Variants in RANBP2 observed in about 807,000 individuals in gnomAD.
RANBP2 encodes E3 SUMO-protein ligase RanBP2.
In RANBP2, 57 loss-of-function variants were observed where a neutral mutation model predicts 303.6. That is an observed-to-expected ratio of 0.19 (90% CI 0.15 to 0.23). RANBP2 has a LOEUF of 0.23. Among genes scored for constraint, RANBP2 ranks in the 10% least tolerant of loss-of-function variants. The pLI is 1.00. For synonymous variants in RANBP2, 1,167 were observed against 1,301.5 expected, an observed-to-expected ratio of 0.90 and a Z score of 2.23; for missense variants, 3,138 against 3,780.8, an observed-to-expected ratio of 0.83 and a Z score of 4.46.
chr2:109,409,672 G>T, the RANBP2 span, among the ~76,000 whole-genome samples: 6 of 152,082 alleles, frequency 3.9e-5, no homozygotes, highest in Non-Finnish European at 8.8e-5. Flanking sequence ...CTCCCTCACT[G>T]GGGCTCCCCG....
chr2:109,713,058 C>T, the RANBP2 span, among the ~76,000 whole-genome samples: 1 of 152,228 alleles, frequency 6.6e-6, no homozygotes, highest in Non-Finnish European at 1.5e-5. Flanking sequence ...CCAGCCCAGC[C>T]CTGCTTTAAA....
At chr2:109,461,688 C>T in the RANBP2 span, among the ~76,000 whole-genome samples, 8 of 151,646 alleles carry the variant, frequency 5.3e-5, no homozygotes, top group African/African-American at 1.9e-4. Context: ...CGGTGATCCA[C>T]CTGCCAGAGG....
chr2:109,106,391 A>G, the RANBP2 span, among the ~76,000 whole-genome samples: 1 of 152,190 alleles, frequency 6.6e-6, no homozygotes, highest in Non-Finnish European at 1.5e-5. Flanking sequence ...CAGATTTTGT[A>G]CAAGATAAAA....
the RANBP2 span, among the ~76,000 whole-genome samples, chr2:109,396,172 G>T: frequency 6.6e-6 from 1 of 152,222 alleles, no homozygotes; most frequent in Admixed American, 6.5e-5. Context: ...CAGAAAGCTG[G>T]CTCCCAGGTA....
intron 1 of RANBP2, among the ~76,000 whole-genome samples, chr2:108,723,022 T>C (rs1224015650): frequency 6.6e-6 from 1 of 152,228 alleles, no homozygotes; most frequent in Non-Finnish European, 1.5e-5. Flanking sequence ...CTTCTCAAAG[T>C]CTACTTGACA....
At chr2:109,647,373 A>G in the RANBP2 span, among the ~76,000 whole-genome samples, 4 of 151,956 alleles carry the variant, frequency 2.6e-5, no homozygotes, top group Admixed American at 6.6e-5. Flanking sequence ...CGTGTTGGCC[A>G]AGATGGTCTC....
the RANBP2 span, among the ~76,000 whole-genome samples, chr2:108,944,813 A>T: frequency 6.6e-6 from 1 of 152,122 alleles, no homozygotes; most frequent in African/African-American, 2.4e-5. Context: ...TGAGCCAGAG[A>T]GCTGACCGCA....
chr2:109,201,140 T>G, the RANBP2 span, among the ~76,000 whole-genome samples: 1 of 152,256 alleles, frequency 6.6e-6, no homozygotes, highest in Non-Finnish European at 1.5e-5. Context: ...GGTACGGCTC[T>G]GGCTTCACAC....
At chr2:109,351,395 T>G in the RANBP2 span, among the ~76,000 whole-genome samples, 1 of 152,226 alleles carries the variant, frequency 6.6e-6, no homozygotes, top group East Asian at 1.9e-4. Context: ...AACCACATGA[T>G]ATAAATAAAT....
the RANBP2 span, among the ~76,000 whole-genome samples, chr2:109,431,922 G>A: frequency 6.6e-6 from 1 of 152,080 alleles, no homozygotes; most frequent in Non-Finnish European, 1.5e-5. Flanking sequence ...GCAAGGAAGT[G>A]TGCAACCACA....
chr2:108,963,004 A>C, the RANBP2 span, among the ~76,000 whole-genome samples: 1 of 152,170 alleles, frequency 6.6e-6, no homozygotes, highest in Non-Finnish European at 1.5e-5. Context: ...TGCCAGGGAC[A>C]TCTGCACCAG....
At chr2:109,593,362 T>A in the RANBP2 span, among the ~76,000 whole-genome samples, 1 of 151,550 alleles carries the variant, frequency 6.6e-6, no homozygotes, top group Non-Finnish European at 1.5e-5. Context: ...CACAAAAAAA[T>A]TTTATGAAAT....
At chr2:109,123,263 C>T in the RANBP2 span, among the ~76,000 whole-genome samples, 6 of 152,164 alleles carry the variant, frequency 3.9e-5, no homozygotes, top group Non-Finnish European at 1.5e-5. Flanking sequence ...CTCTTTTGCT[C>T]TTTCCCAAGC....
At chr2:109,113,559 A>G in the RANBP2 span, among the ~76,000 whole-genome samples, 2 of 152,236 alleles carry the variant, frequency 1.3e-5, no homozygotes, top group Non-Finnish European at 2.9e-5. Context: ...TTTTCTAGAT[A>G]TACAATCATG....
At chr2:109,516,050 C>T in the RANBP2 span, among the ~76,000 whole-genome samples, 1 of 152,212 alleles carries the variant, frequency 6.6e-6, no homozygotes, top group South Asian at 2.1e-4. Context: ...ATGCTTAGCA[C>T]TCAGCTCCAA....
At chr2:109,267,624 G>A in the RANBP2 span, among the ~76,000 whole-genome samples, 8 of 152,168 alleles carry the variant, frequency 5.3e-5, no homozygotes, top group African/African-American at 1.9e-4. Flanking sequence ...AGGGAGGGCC[G>A]GGAGCCAGGG....
the RANBP2 span, among the ~76,000 whole-genome samples, chr2:109,013,160 G>C: frequency 6.6e-6 from 1 of 152,176 alleles, no homozygotes; most frequent in Admixed American, 6.5e-5. Flanking sequence ...TACTTCTAAT[G>C]ACATCAATTT....
chr2:108,928,955 T>C, the RANBP2 span, among the ~76,000 whole-genome samples: 1 of 152,208 alleles, frequency 6.6e-6, no homozygotes, highest in Non-Finnish European at 1.5e-5. Flanking sequence ...TCAGAAGATA[T>C]TATGATGGTT....
chr2:108,804,821 G>A, the RANBP2 span: 27 of 1,321,208 alleles, frequency 2.0e-5, no homozygotes, highest in Non-Finnish European at 2.3e-5. Flanking sequence ...ATTAATTCAC[G>A]TTCCATAGTA....
Sources: gnomAD v4.1 joint callset for allele counts (sites outside exome capture counted in the v4.1 genomes callset) on GRCh38, gnomAD v4.1.1 for gene constraint, MANE v1.5 for transcripts, NCBI Gene and HGNC (gene_info 2026-07-23, HGNC 2026-07-21) for gene names.